KLF17: variants seen among roughly 807,000 people sequenced by gnomAD.
KLF17 encodes KLF transcription factor 17, also known as Krueppel-like factor 17.
KLF17 carries 31 observed loss-of-function variants against 34.2 expected under a neutral mutation model. The ratio of observed to expected loss-of-function variants is 0.91; its 90% CI spans 0.68 to 1.22. The LOEUF is 1.22. Among genes scored for constraint, KLF17 ranks in the 50% most tolerant of loss-of-function variants. The pLI is 0.00. For synonymous variants in KLF17, 179 were observed against 186.7 expected (o/e 0.96, Z 0.34); for missense variants, 478 against 505.2 (o/e 0.95, Z 0.52).
the KLF17 span, among the ~76,000 whole-genome samples, chr1:44,113,022 G>A: frequency 6.6e-6 from 1 of 152,144 alleles, no homozygotes; most frequent in Non-Finnish European, 1.5e-5. Context: ...CCCAGACTTT[G>A]TTTCCTGAGC....
chr1:44,092,744 C>A, the KLF17 span, among the ~76,000 whole-genome samples: 423 of 151,998 alleles, frequency 2.8e-3, 4 homozygotes, highest in African/African-American at 9.5e-3. Context: ...GCTGGGTACC[C>A]TTTACTCAAG....
the KLF17 span, among the ~76,000 whole-genome samples, chr1:44,051,875 G>T: frequency 6.6e-6 from 1 of 152,084 alleles, no homozygotes; most frequent in Admixed American, 6.6e-5. Flanking sequence ...TTCAGCATTT[G>T]GTGAGGGGAC....
the KLF17 span, among the ~76,000 whole-genome samples, chr1:44,071,737 G>A: frequency 2.0e-5 from 3 of 152,154 alleles, no homozygotes; most frequent in Non-Finnish European, 4.4e-5. Flanking sequence ...CCGTGCTGAA[G>A]CCAATCTAGT....
At chr1:44,119,835 TA>T (rs1162896424) in intron 1 of KLF17, among the ~76,000 whole-genome samples, 4 of 152,244 alleles carry the variant, frequency 2.6e-5, no homozygotes, top group African/African-American at 9.6e-5. Flanking sequence ...TTGATGAGTT[TA>T]AACATAATCT....
chr1:44,095,341 G>A, the KLF17 span, among the ~76,000 whole-genome samples: 1 of 151,118 alleles, frequency 6.6e-6, no homozygotes, highest in African/African-American at 2.4e-5. Flanking sequence ...TCAGCCTACC[G>A]AGTAGCTGGG....
At chr1:44,073,206 C>CT in the KLF17 span, among the ~76,000 whole-genome samples, 1 of 109,466 alleles carries the variant, frequency 9.1e-6, no homozygotes, top group East Asian at 3.2e-4. Flanking sequence ...TCTTCTTCTT[C>CT]TTCTTTTTTT....
intron 1 of KLF17, among the ~76,000 whole-genome samples, chr1:44,127,692 T>TTCTTTCTCTTTCTTTCTTTC (rs753421834): frequency 2.2e-5 from 2 of 90,172 alleles, no homozygotes; most frequent in South Asian, 4.5e-4. Flanking sequence ...CTTTCTTTCT[T>TTCTTTCTCTTTCTTTCTTTC]TTTCTTTCTT....
chr1:44,129,365 T>G lies in KLF17; in HGVS notation c.94T>G (p.Ser32Ala). ...AHQAAQDNEN[S>A]APILNMSSSS... ...CTTTTTCCCCAAGGATAACGAGAAC[T>G]CAGCGCCCATCTTGAACATGTCTTC... Residue 32 changes from serine (S) to alanine (A), a missense_variant, in exon 2 of 4, where the codon TCA becomes GCA. By Grantham distance (99) the Ser-to-Ala change is moderately conservative. Transcript: ENST00000372299. 6.6e-7 allele frequency: 1 copy of G among 1,514,172 alleles called. No homozygotes were observed. Among genetic ancestry groups the G allele is most frequent in the Non-Finnish European group, 8.8e-7 (1 of 1,131,714 alleles). The allele number at this position is 1,514,172 out of a possible 1,614,324, so 93.8% of individuals were successfully genotyped here.
chr1:44,116,375 C>T (rs1220976226), upstream of KLF17, among the ~76,000 whole-genome samples: 1 of 152,240 alleles, frequency 6.6e-6, no homozygotes, highest in Non-Finnish European at 1.5e-5. Flanking sequence ...TCTATTGGTA[C>T]TCCAGATCCT....
At chr1:44,132,328 A>G (rs2088121455) in intron 3 of KLF17, among the ~76,000 whole-genome samples, 1 of 151,998 alleles carries the variant, frequency 6.6e-6, no homozygotes, top group African/African-American at 2.4e-5. Flanking sequence ...TTTTTTGACT[A>G]GTGGAAAATG....
the KLF17 span, chr1:44,051,520 C>G: frequency 6.6e-6 from 1 of 152,160 alleles, no homozygotes; most frequent in Admixed American, 6.5e-5. Flanking sequence ...ACCCCCACCC[C>G]AATAACATCA....
chr1:44,130,034 C>A lies in KLF17; in HGVS notation c.763C>A (p.Pro255Thr). ...SQEGPFLPEQ[P>T]GPAPQTVEKN... The stretch of plus-strand genomic sequence containing the variant: ...AGAAGGCCCATTTCTACCAGAGCAG[C>A]CCGGACCTGCTCCACAGACAGTAGA... Residue 255 changes from proline to threonine, a missense_variant, in exon 2 of 4, where the codon CCC becomes ACC. Transcript: ENST00000372299. 1 of 1,614,194 alleles carries A rather than the reference C, an allele frequency of 6.2e-7. No homozygotes were observed. Among genetic ancestry groups the A allele is most frequent in the Non-Finnish European group, 8.5e-7 (1 of 1,180,020 alleles).
At chr1:44,087,001 G>A in the KLF17 span, among the ~76,000 whole-genome samples, 1 of 152,206 alleles carries the variant, frequency 6.6e-6, no homozygotes, top group Admixed American at 6.5e-5. Context: ...CAACACAGTT[G>A]CTTTTCTTCA....
At chr1:44,069,838 C>T in the KLF17 span, 1 of 152,418 alleles carries the variant, frequency 6.6e-6, no homozygotes, top group Non-Finnish European at 1.5e-5. The surrounding 1 kb of genome is among the most constrained non-coding windows in gnomAD (Gnocchi z 4.7). Context: ...CCAAAAGGTG[C>T]CAACTTCCTC....
At chr1:44,124,568 C>T (rs2087986307) in intron 1 of KLF17, among the ~76,000 whole-genome samples, 1 of 149,896 alleles carries the variant, frequency 6.7e-6, no homozygotes, top group South Asian at 2.1e-4. Flanking sequence ...GATCTCGGCT[C>T]ACTGCAGGCT....
intron 1 of KLF17, among the ~76,000 whole-genome samples, chr1:44,123,007 T>A (rs938803098): frequency 3.3e-5 from 5 of 152,216 alleles, no homozygotes; most frequent in African/African-American, 1.2e-4. Flanking sequence ...TTTTGAATTT[T>A]TTTTTCTTTT....
At chr1:44,048,002 A>ATGTGTGTGTGTGTGTGTG in the KLF17 span, 13 of 134,252 alleles carry the variant, frequency 9.7e-5, no homozygotes, top group East Asian at 1.1e-3. Flanking sequence ...TTGTGTGTGT[A>ATGTGTGTGTGTGTGTGTG]TGTGTGTGTG....
chr1:44,121,376 A>G (rs113014900), intron 1 of KLF17, among the ~76,000 whole-genome samples: 1 of 152,202 alleles, frequency 6.6e-6, no homozygotes, highest in African/African-American at 2.4e-5. Flanking sequence ...CAGCCTCCCA[A>G]AGAGGTGGGA....
the KLF17 span, among the ~76,000 whole-genome samples, chr1:44,080,135 G>A: frequency 6.6e-6 from 1 of 151,538 alleles, no homozygotes; most frequent in Non-Finnish European, 1.5e-5. Context: ...CACCATGTTG[G>A]CCAGGCTGGT....
Sources: allele counts gnomAD v4.1 joint callset (sites outside exome capture counted in the v4.1 genomes callset), GRCh38; gene constraint gnomAD v4.1.1; non-coding constraint Gnocchi (gnomAD v3.1); transcripts MANE v1.5; gene names NCBI Gene and HGNC (gene_info 2026-07-23, HGNC 2026-07-21).